Variants in TUBGCP2 observed in about 807,000 individuals in gnomAD.
TUBGCP2 encodes tubulin gamma complex component 2, also known as gamma-tubulin complex component 2.
Under a neutral mutation model 92.2 loss-of-function variants are expected in TUBGCP2, and 55 were observed. The ratio of observed to expected loss-of-function variants is 0.60; its 90% CI spans 0.48 to 0.75. TUBGCP2 has a LOEUF of 0.75. Among genes scored for constraint, TUBGCP2 ranks in the 30% least tolerant of loss-of-function variants. TUBGCP2 has a pLI of 0.00. For missense variants in TUBGCP2, 1,093 were observed against 1,188.9 expected (o/e 0.92, Z 1.19); for synonymous variants, 533 against 505.2 (o/e 1.06, Z -0.74).
upstream of TUBGCP2, chr10:133,309,223 G>A (rs1847924354): frequency 2.0e-6 from 2 of 983,890 alleles, no homozygotes; most frequent in South Asian, 2.0e-5. Context: ...TGGGACAGGC[G>A]GGACCTGAGG....
At chr10:133,302,736 C>A in intron 2 of TUBGCP2, 56 bp downstream of exon 2, 3 of 1,606,412 alleles carry the variant, frequency 1.9e-6, no homozygotes, top group Non-Finnish European at 2.6e-6. Flanking sequence ...CCTGCACCAC[C>A]CTGACCCAGG....
chr10:133,308,614 C>G (rs973372967), intron 1 of TUBGCP2: 16 of 177,440 alleles, frequency 9.0e-5, no homozygotes, highest in Non-Finnish European at 1.5e-4. Context: ...CCCGCCCCGG[C>G]TGAGTGTCGG....
At chr10:133,297,908 T>A (rs765298789) in intron 5 of TUBGCP2, 44 bp downstream of exon 5, 1 of 1,604,746 alleles carries the variant, frequency 6.2e-7, no homozygotes, top group Admixed American at 1.7e-5. Context: ...AATCAACGCA[T>A]CACGTACCTA....
intron 5 of TUBGCP2, 47 bp from the exon 6 acceptor site, chr10:133,293,816 C>T (rs1005717491): frequency 2.0e-6 from 3 of 1,519,356 alleles, no homozygotes; most frequent in Non-Finnish European, 2.7e-6. Flanking sequence ...CACTCCCATG[C>T]CCCCACAGCC....
Position 133,289,914 on chromosome 10 carries a change from T to C in TUBGCP2, c.1270A>G (p.Asn424Asp). Residue 424 changes from asparagine (N) to aspartate (D), a missense_variant, in exon 9 of 18, where the codon AAC becomes GAC. Physicochemically the swap from Asn to Asp is conservative, Grantham distance 23 (BLOSUM62 1). Coordinates refer to ENST00000252936, the MANE Select transcript of TUBGCP2 (RefSeq NM_006659.4). ...LRKERIQEDY[N>D]DKYWDQRYTI... ...TACCGCTGGTCCCAGTACTTGTCGTTGTAATCCTCCTGGATCCTCTCCTTC... is the reference window on the plus strand; with the variant it reads ...TACCGCTGGTCCCAGTACTTGTCGTCGTAATCCTCCTGGATCCTCTCCTTC... 3.2e-6 allele frequency: 5 copies of C among 1,558,248 alleles called. No homozygotes were observed. The highest frequency in any genetic ancestry group is 3.5e-6 in the Non-Finnish European group (4 of 1,151,988).
At position 133,282,255 on chromosome 10, in the gene TUBGCP2, C is replaced by T. The variant is rs568511079; in HGVS notation, c.2377G>A (p.Glu793Lys). 3.0e-5 allele frequency: 49 copies of T among 1,611,608 alleles called. No individual in the cohort carries two copies. Among genetic ancestry groups the T allele is most frequent in the East Asian group, 6.7e-5 (3 of 44,834 alleles). The change falls in exon 16 of 18, where the codon GAG (glutamate) becomes AAG (lysine). Residue 793 changes from glutamate (E) to lysine (K), a missense_variant. Physicochemically the swap from Glu to Lys is moderately conservative, Grantham distance 56. This residue lies in a region of TUBGCP2 where 598 missense variants were observed against 675.5 expected (regional missense o/e 0.89). Transcript: ENST00000252936. ...GCGAGCTCCTTCCGGGCCCGCTCCT[C>T]GGCCCCTGCGGGCAGCCCCAGGACG... ...STVLGLPAGA[E>K]ERARKELARK...
intron 1 of TUBGCP2, 133 bp from the exon 2 acceptor site, chr10:133,303,113 C>G: frequency 1.2e-6 from 1 of 801,540 alleles, no homozygotes; most frequent in Non-Finnish European, 2.0e-6. Context: ...GCCTAGGGCC[C>G]CTCCCCCAAC....
chr10:133,285,264 C>A lies in TUBGCP2; in HGVS notation c.1896-51G>T. The A allele has an allele frequency of 6.2e-7, 1 of 1,606,538 alleles. No individual in the cohort carries two copies. The highest frequency in any genetic ancestry group is 1.1e-5 in the South Asian group (1 of 90,712). On this transcript the variant is annotated intron_variant, in intron 12 of 17. Transcript: ENST00000252936. This position sits in a 1 kb window ranked among gnomAD's most constrained non-coding sequence, Gnocchi z 6.8. Reference sequence around the variant, plus strand: ...GGTGGGCCTCCGTGACCGGCGGCGTCGTGGACACGGCGTCTGTACTCCACA... The same window carrying A: ...GGTGGGCCTCCGTGACCGGCGGCGTAGTGGACACGGCGTCTGTACTCCACA...
Position 133,285,267 on chromosome 10 carries a change from G to T in TUBGCP2, c.1896-54C>A. 20 of 1,605,960 alleles carry T rather than the reference G, an allele frequency of 1.2e-5. No individual in the cohort carries two copies. Among genetic ancestry groups the T allele is most frequent in the Non-Finnish European group, 1.5e-5 (18 of 1,179,418 alleles). ...GGGCCTCCGTGACCGGCGGCGTCGTGGACACGGCGTCTGTACTCCACAGTC... is the reference window on the plus strand; with the variant it reads ...GGGCCTCCGTGACCGGCGGCGTCGTTGACACGGCGTCTGTACTCCACAGTC... On this transcript the variant is annotated intron_variant, in intron 12 of 17. Transcript: ENST00000252936. The surrounding 1 kb of genome is among the most constrained non-coding windows in gnomAD (Gnocchi z 6.8).
chr10:133,280,001 C>A, intron 17 of TUBGCP2, 100 bp from the exon 18 acceptor site: 2 of 1,507,800 alleles, frequency 1.3e-6, no homozygotes, highest in Non-Finnish European at 1.8e-6. Flanking sequence ...GTGCACACCC[C>A]TTCTGCGGGT....
chr10:133,279,732 AC>A lies in TUBGCP2; in HGVS notation c.*33del. The A allele has an allele frequency of 6.5e-7, 1 of 1,527,248 alleles. No individual in the cohort carries two copies. Among genetic ancestry groups the A allele is most frequent in the Non-Finnish European group, 8.8e-7 (1 of 1,135,988 alleles). The allele number at this position is 1,527,248 out of a possible 1,614,324, so 94.6% of individuals were successfully genotyped here. On this transcript the variant is annotated 3_prime_UTR_variant, in exon 18 of 18. Transcript: ENST00000252936. ...GACCCATTTGCACCAGTCCCTGCTG[AC>A]CCCACACCCTTCCTTCCTGTCACAG...
At position 133,288,281 on chromosome 10, in the gene TUBGCP2, G is replaced by C. The variant is rs772531229; in HGVS notation, c.1570C>G (p.Gln524Glu). The C allele has an allele frequency of 3.7e-6, 6 of 1,613,456 alleles. No individual in the cohort carries two copies. In the African/African-American group the frequency reaches 4.0e-5, roughly 11 times the overall value. ...RSIKRYFLMD[Q>E]GDFFVHFMDL... The stretch of plus-strand genomic sequence containing the variant: ...ATGAAGTGCACGAAGAAGTCGCCCT[G>C]GTCCATGAGGAAGTAGCGCTTGATG... The change falls in exon 11 of 18, where the codon CAG becomes GAG. Residue 524 changes from glutamine (Q) to glutamate (E), a missense_variant. Coordinates refer to ENST00000252936, the MANE Select transcript of TUBGCP2 (RefSeq NM_006659.4).
At position 133,292,667 on chromosome 10, in the gene TUBGCP2, T is replaced by C; in HGVS notation, c.1046A>G (p.Glu349Gly). ...GCTCAGCGTGGACCCCCCAAGACATTCGCCTTTGTCCACCGAGGTGGCTGT... is the reference window on the plus strand; with the variant it reads ...GCTCAGCGTGGACCCCCCAAGACATCCGCCTTTGTCCACCGAGGTGGCTGT... ...ASLATSVDKG[E>G]CLGGSTLSLL... Residue 349 changes from glutamate (E) to glycine (G), a missense_variant, in exon 8 of 18, where the codon GAA becomes GGA. Physicochemically the swap from Glu to Gly is moderately conservative, Grantham distance 98. Transcript: ENST00000252936. 6.2e-7 allele frequency: 1 copy of C among 1,613,790 alleles called. No homozygotes were observed. Among genetic ancestry groups the C allele is most frequent in the African/African-American group, 1.3e-5 (1 of 75,022 alleles).
Position 133,283,979 on chromosome 10 carries a change from C to T in TUBGCP2, c.2048G>A (p.Arg683Gln), listed in dbSNP as rs201350299. ...AQWFAGAFTLRQRMLNFVQNI... is the reference protein window; with the variant it reads ...AQWFAGAFTLQQRMLNFVQNI... ...CTGGACGAAGTTGAGCATTCGCTGC[C>T]GCAGAGTGAAAGCCCCAGCAAACCT... The change falls in exon 14 of 18, where the codon CGG (arginine) becomes CAG (glutamine). Residue 683 changes from arginine to glutamine, a missense_variant. Transcript: ENST00000252936. 57 of 1,613,826 alleles carry T rather than the reference C, an allele frequency of 3.5e-5. No individual in the cohort carries two copies. The highest frequency in any genetic ancestry group is 3.4e-4 in the Middle Eastern group (2 of 5,958).
Position 133,298,087 on chromosome 10 carries a change from G to A in TUBGCP2, c.481C>T (p.Leu161Phe). Residue 161 changes from leucine (L) to phenylalanine (F), a missense_variant, in exon 5 of 18, where the codon CTT becomes TTT. Physicochemically the swap from Leu to Phe is conservative, Grantham distance 22 (BLOSUM62 0). Around this residue, in one of 3 missense-constraint regions of TUBGCP2, gnomAD observed 490 missense variants for 488.5 expected, o/e 1.00. Coordinates refer to ENST00000252936, the MANE Select transcript of TUBGCP2 (RefSeq NM_006659.4). ...TTTTTTTTGTTCTGCTTGTCTCGAA[G>A]CATCTTTCTTTTAAGTTCCAGAGAC... is the stretch of plus-strand genomic sequence containing the variant. ...QQSLELKRKM[L>F]RDKQNKKNSG... is the part of the protein sequence containing the mutation. 6.2e-7 allele frequency: 1 copy of A among 1,614,066 alleles called. No homozygotes were observed. The highest frequency in any genetic ancestry group is 1.7e-5 in the Admixed American group (1 of 60,006).
At chr10:133,292,877 C>T (rs1320957378) in intron 7 of TUBGCP2, among the ~76,000 whole-genome samples, 162 bp downstream of exon 7, 1 of 152,240 alleles carries the variant, frequency 6.6e-6, no homozygotes, top group African/African-American at 2.4e-5. Context: ...CCAGGGCTTT[C>T]CTCTTGCAAG....
At chr10:133,311,741 GAC>G, upstream of TUBGCP2, 1 of 1,613,598 alleles carries the variant, frequency 6.2e-7, no homozygotes, top group Non-Finnish European at 8.5e-7. Context: ...AGCCCCAGGG[GAC>G]AGTGGAGAGC....
chr10:133,302,766 A>C, intron 2 of TUBGCP2, 26 bp downstream of exon 2: 1 of 1,611,658 alleles, frequency 6.2e-7, no homozygotes, highest in Non-Finnish European at 8.5e-7. Flanking sequence ...CACCCTGCAC[A>C]GCGCTACACC....
rs973185956 is a variant in TUBGCP2, at chr10:133,282,415, T to C, written c.2290-73A>G. 3 of 1,507,038 alleles carry C rather than the reference T, an allele frequency of 2.0e-6. No homozygotes were observed. In the African/African-American group the frequency reaches 4.2e-5, roughly 21 times the overall value. The allele number at this position is 1,507,038 out of a possible 1,614,324, so 93.4% of individuals were successfully genotyped here. On this transcript the variant is annotated intron_variant, in intron 15 of 17. Coordinates refer to ENST00000252936, the MANE Select transcript of TUBGCP2 (RefSeq NM_006659.4). ...AATGCTTTGCAGAAAAAACAAGTCC[T>C]GCAGGCACGTCACCCTCCGCACCTC...
Sources: allele counts gnomAD v4.1 joint callset (sites outside exome capture counted in the v4.1 genomes callset), GRCh38; gene constraint gnomAD v4.1.1; regional missense constraint gnomAD v4.1.1; non-coding constraint Gnocchi (gnomAD v3.1); transcripts MANE v1.5; gene names NCBI Gene and HGNC (gene_info 2026-07-23, HGNC 2026-07-21).